The following ROBO2 variants were observed in gnomAD, a reference collection of about 807,000 sequenced individuals.
The protein encoded by ROBO2 is roundabout guidance receptor 2, also known as roundabout homolog 2.
ROBO2 carries 53 observed loss-of-function variants against 160.8 expected under a neutral mutation model. That is an observed-to-expected ratio of 0.33 (90% CI 0.26 to 0.41). The LOEUF (loss-of-function observed/expected upper bound fraction) is 0.41, where lower values mean the gene tolerates loss of function less well. Ranked by LOEUF, ROBO2 falls within the 10% of genes least tolerant of loss-of-function variation. ROBO2 has a pLI of 1.00. For synonymous variants in ROBO2, 664 were observed against 611.7 expected, an observed-to-expected ratio of 1.09 and a Z score of -1.26; for missense variants, 1,577 against 1,722.4, an observed-to-expected ratio of 0.92 and a Z score of 1.49.
chr3:76,579,525 C>T (rs1217770952), intron 2 of ROBO2, among the ~76,000 whole-genome samples: 1 of 151,932 alleles, frequency 6.6e-6, no homozygotes, highest in Non-Finnish European at 1.5e-5. Flanking sequence ...ACAACTAATT[C>T]TACAGAAAAA....
chr3:76,533,262 C>T (rs949945806), intron 2 of ROBO2, among the ~76,000 whole-genome samples: 5 of 152,192 alleles, frequency 3.3e-5, no homozygotes, highest in Admixed American at 1.3e-4. Context: ...TCAGGCATTG[C>T]GAATCCAAAA....
At chr3:76,199,778 G>A (rs1235606050) in intron 2 of ROBO2, among the ~76,000 whole-genome samples, 1 of 152,008 alleles carries the variant, frequency 6.6e-6, no homozygotes, top group Non-Finnish European at 1.5e-5. Context: ...GTCTCAACTC[G>A]AACAGATAAA....
intron 2 of ROBO2, among the ~76,000 whole-genome samples, chr3:77,318,450 T>A (rs1471196330): frequency 6.6e-6 from 1 of 152,238 alleles, no homozygotes; most frequent in Non-Finnish European, 1.5e-5. Flanking sequence ...GGGAACTGTT[T>A]TACCATTACA....
chr3:76,888,363 G>C (rs2074075399), intron 2 of ROBO2, among the ~76,000 whole-genome samples: 1 of 151,994 alleles, frequency 6.6e-6, no homozygotes, highest in African/African-American at 2.4e-5. Flanking sequence ...ACCAGTCTCT[G>C]CTCCAAACAG....
At chr3:77,113,230 G>T (rs547112360) in intron 2 of ROBO2, among the ~76,000 whole-genome samples, 59 of 152,164 alleles carry the variant, frequency 3.9e-4, no homozygotes, top group Non-Finnish European at 7.3e-4. Flanking sequence ...CAGCTTGATA[G>T]AAAGACTGAT....
rs577535725 is a variant in ROBO2, at chr3:76,143,791, A to T, written c.109+206189A>T. ...ACAGTTACTGAGGCTAAGTCCCAAGATCCTCAGTCGACAACCTGGGGACCT... is the reference window on the plus strand; with the variant it reads ...ACAGTTACTGAGGCTAAGTCCCAAGTTCCTCAGTCGACAACCTGGGGACCT... On this transcript the variant is annotated intron_variant, in intron 2 of 26. Coordinates refer to the ROBO2 transcript ENST00000487694. 9.9e-4 allele frequency among the ~76,000 whole-genome samples: 150 copies of T among 152,104 alleles called. 1 individual carries two copies. Among genetic ancestry groups the T allele is most frequent in the African/African-American group, 3.6e-3 (148 of 41,544 alleles).
intron 2 of ROBO2, among the ~76,000 whole-genome samples, chr3:77,136,034 A>G (rs2076249894): frequency 6.6e-6 from 1 of 152,218 alleles, no homozygotes; most frequent in Non-Finnish European, 1.5e-5. Flanking sequence ...TATACAGCAC[A>G]GTACATAGAG....
chr3:76,580,342 G>GTTTTTTTTTT (rs71101901), intron 2 of ROBO2, among the ~76,000 whole-genome samples: 10 of 90,538 alleles, frequency 1.1e-4, no homozygotes, highest in South Asian at 3.9e-4. Context: ...TTTTTTTTGT[G>GTTTTTTTTTT]TTTTTTTTTT....
At chr3:77,397,661 C>T (rs1045682435) in intron 2 of ROBO2, among the ~76,000 whole-genome samples, 1 of 152,058 alleles carries the variant, frequency 6.6e-6, no homozygotes, top group African/African-American at 2.4e-5. Context: ...TGCTATCTTC[C>T]TGTAAATAAG....
At chr3:76,696,679 T>C (rs977867141) in intron 2 of ROBO2, among the ~76,000 whole-genome samples, 1 of 152,196 alleles carries the variant, frequency 6.6e-6, no homozygotes, top group African/African-American at 2.4e-5. Context: ...TTTGTGCATC[T>C]CAAGGGTACA....
chr3:76,038,747 T>A (rs2067191732), intron 2 of ROBO2, among the ~76,000 whole-genome samples: 1 of 150,378 alleles, frequency 6.6e-6, no homozygotes, highest in Non-Finnish European at 1.5e-5. Flanking sequence ...GGAACCCAAC[T>A]GGTAGCACAT....
intron 2 of ROBO2, among the ~76,000 whole-genome samples, chr3:76,301,391 CA>C (rs560901879): frequency 4.6e-5 from 7 of 151,640 alleles, no homozygotes; most frequent in African/African-American, 1.2e-4. Context: ...AATAGGCTTT[CA>C]AAAAAAACTG....
chr3:77,648,786 T>G (rs1480738921), exon 26 of ROBO2: 1 of 152,158 alleles, frequency 6.6e-6, no homozygotes, highest in African/African-American at 2.4e-5. Context: ...GCCACAGCAG[T>G]TTCTCGTTTC....
intron 2 of ROBO2, among the ~76,000 whole-genome samples, chr3:76,652,942 T>C (rs921478150): frequency 5.9e-5 from 9 of 152,184 alleles, no homozygotes; most frequent in African/African-American, 2.2e-4. Context: ...GTAGTTGCTT[T>C]TTAACTATCA....
intron 2 of ROBO2, among the ~76,000 whole-genome samples, chr3:77,257,640 C>G (rs531921582): frequency 9.9e-5 from 15 of 152,060 alleles, no homozygotes; most frequent in African/African-American, 3.1e-4. Flanking sequence ...AGTGAAAAAC[C>G]CTTTGCACAG....
intron 1 of ROBO2, among the ~76,000 whole-genome samples, chr3:77,054,656 A>G (rs558744826): frequency 1.3e-5 from 2 of 152,000 alleles, no homozygotes; most frequent in South Asian, 4.2e-4. Context: ...AGAAATCGCC[A>G]TTTTTTTTCT....
chr3:76,650,971 C>T (rs946043591), intron 2 of ROBO2, among the ~76,000 whole-genome samples: 10 of 152,046 alleles, frequency 6.6e-5, no homozygotes, highest in Non-Finnish European at 8.8e-5. Flanking sequence ...AATTTGTGGT[C>T]GTCTGTATAT....
chr3:77,017,815 A>T (rs2062372408), intron 2 of ROBO2, among the ~76,000 whole-genome samples: 1 of 152,020 alleles, frequency 6.6e-6, no homozygotes, highest in Non-Finnish European at 1.5e-5. Context: ...AGGTTGCATC[A>T]TCTAATATTT....
intron 2 of ROBO2, among the ~76,000 whole-genome samples, chr3:77,394,012 C>T (rs746006530): frequency 6.0e-4 from 91 of 152,218 alleles, no homozygotes; most frequent in African/African-American, 1.9e-3. Flanking sequence ...TTTATGTGTG[C>T]GGCCTCTCCT....
Sources: gnomAD v4.1 joint callset for allele counts (sites outside exome capture counted in the v4.1 genomes callset) on GRCh38, gnomAD v4.1.1 for gene constraint, MANE v1.5 for transcripts, NCBI Gene and HGNC (gene_info 2026-07-23, HGNC 2026-07-21) for gene names.